Variants in GPHN observed in about 807,000 individuals in gnomAD.
GPHN encodes gephyrin.
Under a neutral mutation model 95.5 loss-of-function variants are expected in GPHN, and 17 were observed. The ratio of observed to expected loss-of-function variants is 0.18; its 90% CI spans 0.12 to 0.27. The LOEUF (loss-of-function observed/expected upper bound fraction) is 0.27. Among genes scored for constraint, GPHN ranks in the 10% least tolerant of loss-of-function variants. The pLI, the probability that GPHN is intolerant of heterozygous loss-of-function variation, is 1.00. For synonymous variants in GPHN, 320 were observed against 322.5 expected, an observed-to-expected ratio of 0.99 and a Z score of 0.08; for missense variants, 660 against 978.1, an observed-to-expected ratio of 0.67 and a Z score of 4.34.
intron 10 of GPHN, among the ~76,000 whole-genome samples, chr14:67,054,732 G>A (rs986393554): frequency 2.0e-5 from 3 of 152,146 alleles, no homozygotes; most frequent in African/African-American, 7.2e-5. Context: ...AAAATAGATG[G>A]TAGTAGTACA....
chr14:67,304,780 A>G, the GPHN span, among the ~76,000 whole-genome samples: 1 of 151,716 alleles, frequency 6.6e-6, no homozygotes, highest in African/African-American at 2.4e-5. Flanking sequence ...AGTGAATTGT[A>G]TATGAATTAT....
At chr14:67,383,185 A>G in the GPHN span, 6 of 1,028,250 alleles carry the variant, frequency 5.8e-6, no homozygotes. Flanking sequence ...AAGTCACTCA[A>G]AAGTGAACAG....
chr14:67,522,044 C>G, the GPHN span, among the ~76,000 whole-genome samples: 3 of 152,050 alleles, frequency 2.0e-5, no homozygotes, highest in Non-Finnish European at 4.4e-5. Context: ...CATGGTGGAG[C>G]GTGCCTGTTA....
chr14:67,463,638 CAAAAAAAAAAA>C, the GPHN span, among the ~76,000 whole-genome samples: 19 of 54,864 alleles, frequency 3.5e-4, no homozygotes, highest in Admixed American at 2.5e-3. Context: ...GACTCCGTCT[CAAAAAAAAAAA>C]AAAAAAAAAA....
chr14:67,728,702 GT>G, the GPHN span, among the ~76,000 whole-genome samples: 2 of 67,680 alleles, frequency 3.0e-5, no homozygotes, highest in African/African-American at 8.1e-5. Context: ...GGGATATCTT[GT>G]GGGGGGGGGG....
chr14:67,484,676 C>A, the GPHN span, among the ~76,000 whole-genome samples: 1 of 152,224 alleles, frequency 6.6e-6, no homozygotes, highest in South Asian at 2.1e-4. Context: ...GTAATCCCAG[C>A]ATTTTGGGAG....
the GPHN span, among the ~76,000 whole-genome samples, chr14:67,548,607 G>C: frequency 2.0e-5 from 3 of 152,172 alleles, no homozygotes; most frequent in African/African-American, 7.2e-5. Context: ...TGAGGCAGGA[G>C]AATCACTTGA....
chr14:66,892,961 T>A (rs1443493690), intron 5 of GPHN, among the ~76,000 whole-genome samples: 1 of 152,202 alleles, frequency 6.6e-6, no homozygotes, highest in Non-Finnish European at 1.5e-5. Context: ...ACATAAAATG[T>A]ACATTTTCTT....
intron 2 of GPHN, among the ~76,000 whole-genome samples, chr14:66,699,072 T>C (rs534568990): frequency 6.6e-6 from 1 of 152,202 alleles, no homozygotes. Context: ...TGAGCTATGA[T>C]TTAAACTTAA....
the GPHN span, chr14:67,241,977 C>G: frequency 6.6e-6 from 1 of 152,336 alleles, no homozygotes; most frequent in Admixed American, 6.5e-5. Context: ...CTGCCTGACT[C>G]AGCTGCTGGT....
chr14:67,015,399 G>A (rs1478139063), intron 9 of GPHN, among the ~76,000 whole-genome samples: 2 of 152,060 alleles, frequency 1.3e-5, no homozygotes, highest in African/African-American at 2.4e-5. Flanking sequence ...GTTGTACATA[G>A]ATTTAAAAAA....
intron 8 of GPHN, among the ~76,000 whole-genome samples, chr14:66,955,541 T>C (rs532446764): frequency 6.6e-6 from 1 of 152,300 alleles, no homozygotes; most frequent in Non-Finnish European, 1.5e-5. Flanking sequence ...ATTTGTTCGT[T>C]TTGTTATTAC....
At chr14:67,109,211 T>C (rs1470550622) in intron 13 of GPHN, among the ~76,000 whole-genome samples, 1 of 152,228 alleles carries the variant, frequency 6.6e-6, no homozygotes, top group Non-Finnish European at 1.5e-5. Context: ...AAACTATCCT[T>C]ATGCAGCACG....
At chr14:66,706,503 A>G (rs1401369331) in intron 2 of GPHN, among the ~76,000 whole-genome samples, 4 of 152,108 alleles carry the variant, frequency 2.6e-5, no homozygotes, top group Admixed American at 6.6e-5. Flanking sequence ...CTCAGAAATA[A>G]CACCACACAT....
chr14:67,629,154 C>T, the GPHN span, among the ~76,000 whole-genome samples: 6 of 152,100 alleles, frequency 3.9e-5, no homozygotes, highest in Admixed American at 1.3e-4. Context: ...GGCAACTTAG[C>T]GAGTCCCAAT....
chr14:67,225,343 G>A, the GPHN span: 43 of 940,088 alleles, frequency 4.6e-5, no homozygotes, highest in African/African-American at 6.7e-4. Context: ...GTTAATAAGT[G>A]GGATCTTTTA....
chr14:67,286,869 A>AG, the GPHN span, among the ~76,000 whole-genome samples: 47 of 151,120 alleles, frequency 3.1e-4, no homozygotes, highest in Admixed American at 1.1e-3. Context: ...AAAAAAAAAA[A>AG]AAAAAGAAAA....
chr14:67,473,773 A>T, the GPHN span: 1 of 1,613,956 alleles, frequency 6.2e-7, no homozygotes, highest in Non-Finnish European at 8.5e-7. This position sits in a 1 kb window ranked among gnomAD's most constrained non-coding sequence, Gnocchi z 6.5. Context: ...CCGTAGATGA[A>T]GAGGGCCCAC....
chr14:66,521,871 A>G (rs368092034), intron 1 of GPHN, among the ~76,000 whole-genome samples: 27 of 152,278 alleles, frequency 1.8e-4, no homozygotes, highest in African/African-American at 6.0e-4. Flanking sequence ...TTCTGTCACT[A>G]AAAGGGGAAA....
Sources: gnomAD v4.1 joint callset for allele counts (sites outside exome capture counted in the v4.1 genomes callset) on GRCh38, gnomAD v4.1.1 for gene constraint, Gnocchi (gnomAD v3.1) non-coding constraint, MANE v1.5 for transcripts, NCBI Gene and HGNC (gene_info 2026-07-23, HGNC 2026-07-21) for gene names.